LRRC7: variants seen among roughly 807,000 people sequenced by gnomAD.
The protein encoded by LRRC7 is leucine rich repeat containing 7.
In LRRC7, 23 loss-of-function variants were observed where a neutral mutation model predicts 175.7. The ratio of observed to expected loss-of-function variants is 0.13; its 90% CI spans 0.09 to 0.19. The LOEUF (loss-of-function observed/expected upper bound fraction) is 0.19. LRRC7 is among the 10% of genes least tolerant of loss of function. The pLI is 1.00. For synonymous variants in LRRC7, 685 were observed against 680.9 expected (o/e 1.01, Z -0.09); for missense variants, 1,354 against 1,904.7 (o/e 0.71, Z 5.38).
At chr1:69,715,813 ATTAT>A (rs1170251303) in intron 2 of LRRC7, among the ~76,000 whole-genome samples, 1 of 152,038 alleles carries the variant, frequency 6.6e-6, no homozygotes, top group Non-Finnish European at 1.5e-5. Context: ...TTTTACATTT[ATTAT>A]TTAGTTATTA....
At chr1:69,615,057 C>A (rs550864993) in intron 1 of LRRC7, among the ~76,000 whole-genome samples, 1 of 152,080 alleles carries the variant, frequency 6.6e-6, no homozygotes, top group South Asian at 2.1e-4. Context: ...TATAAATATG[C>A]TGAACTAGAA....
chr1:69,604,678 T>G (rs1228320762), intron 1 of LRRC7, among the ~76,000 whole-genome samples: 1 of 151,002 alleles, frequency 6.6e-6, no homozygotes, highest in Non-Finnish European at 1.5e-5. Context: ...TAATTATTTT[T>G]AAGTAGTTCT....
At chr1:69,888,953 A>G (rs1477737680) in intron 7 of LRRC7, among the ~76,000 whole-genome samples, 1 of 152,226 alleles carries the variant, frequency 6.6e-6, no homozygotes, top group Non-Finnish European at 1.5e-5. Flanking sequence ...TCACACCACC[A>G]CAATAAAGCA....
chr1:70,138,586 T>C lies in LRRC7; in HGVS notation c.*16699T>C, dbSNP rs940423260. Reference sequence around the variant, plus strand: ...GCAAATAATCATTTGTACAACCTCATAGAAAGTTGAGAGGATTAATCAAAT... The same window carrying C: ...GCAAATAATCATTTGTACAACCTCACAGAAAGTTGAGAGGATTAATCAAAT... On this transcript the variant is annotated 3_prime_UTR_variant, in exon 27 of 27. Coordinates refer to ENST00000651989, the MANE Select transcript of LRRC7 (RefSeq NM_001370785.2). 3 of 152,216 alleles carry C rather than the reference T, an allele frequency of 2.0e-5. No homozygotes were observed. Among genetic ancestry groups the C allele is most frequent in the African/African-American group, 7.2e-5 (3 of 41,468 alleles). 9.4% of individuals were successfully genotyped at this position (152,216 alleles called of 1,614,324 possible).
At chr1:69,980,599 A>C in intron 9 of LRRC7, 146 bp downstream of exon 9, 2 of 599,734 alleles carry the variant, frequency 3.3e-6, no homozygotes, top group Admixed American at 3.8e-5. Context: ...AAGTGTTTTC[A>C]CCATTTTTTT....
chr1:69,961,448 C>T (rs1212771811), intron 8 of LRRC7, among the ~76,000 whole-genome samples: 4 of 152,150 alleles, frequency 2.6e-5, no homozygotes, highest in South Asian at 2.1e-4. Flanking sequence ...CATTAAACTA[C>T]CATTGACATT....
chr1:69,871,877 A>T (rs915681061), intron 7 of LRRC7, among the ~76,000 whole-genome samples: 2 of 151,996 alleles, frequency 1.3e-5, no homozygotes. Flanking sequence ...TATTATATAC[A>T]TGAAATTGTT....
intron 8 of LRRC7, among the ~76,000 whole-genome samples, chr1:69,945,884 A>G (rs1274856206): frequency 6.6e-6 from 1 of 152,074 alleles, no homozygotes; most frequent in Non-Finnish European, 1.5e-5. Context: ...TTTTAGTGGA[A>G]CCTTTGGGGC....
intron 11 of LRRC7, among the ~76,000 whole-genome samples, chr1:70,000,537 C>A (rs1372789090): frequency 6.6e-6 from 1 of 152,180 alleles, no homozygotes; most frequent in Admixed American, 6.5e-5. Flanking sequence ...ACTGTAATCA[C>A]ATCTGCCATT....
At chr1:69,896,650 ACT>A (rs1645988085) in intron 7 of LRRC7, among the ~76,000 whole-genome samples, 1 of 151,918 alleles carries the variant, frequency 6.6e-6, no homozygotes, top group Non-Finnish European at 1.5e-5. Flanking sequence ...CCACTCATAA[ACT>A]CCCAGTATCC....
At chr1:70,055,429 A>G (rs1661071000) in intron 23 of LRRC7, among the ~76,000 whole-genome samples, 1 of 152,222 alleles carries the variant, frequency 6.6e-6, no homozygotes, top group Non-Finnish European at 1.5e-5. Context: ...ACTAGTTAGG[A>G]AGATTCTATA....
chr1:69,811,320 T>A (rs61784013), intron 4 of LRRC7, among the ~76,000 whole-genome samples: 1 of 152,082 alleles, frequency 6.6e-6, no homozygotes, highest in East Asian at 1.9e-4. Context: ...ACACTGTTGG[T>A]GGGAGTGTAA....
intron 3 of LRRC7, among the ~76,000 whole-genome samples, chr1:69,774,272 C>A (rs1190212458): frequency 6.6e-6 from 1 of 152,140 alleles, no homozygotes; most frequent in African/African-American, 2.4e-5. Flanking sequence ...GTAGACCTAC[C>A]AATTTATCCG....
At position 70,038,788 on chromosome 1, in the gene LRRC7, C is replaced by A; in HGVS notation, c.2964C>A (p.Ile988=). Residue 988 remains isoleucine (I), a synonymous_variant, in exon 21 of 27, where the codon ATC becomes ATA. Coordinates refer to ENST00000651989, the MANE Select transcript of LRRC7 (RefSeq NM_001370785.2). ...KSNKFKKSQS[I]DEIDIGTYKV... ...ATAAATTCAAAAAGTCACAGAGTAT[C>A]GATGAGATTGACATTGGTACATATA... 1 of 1,613,900 alleles carries A rather than the reference C, an allele frequency of 6.2e-7. No individual in the cohort carries two copies. The highest frequency in any genetic ancestry group is 1.3e-5 in the African/African-American group (1 of 74,994).
chr1:69,850,757 G>A (rs533208608), intron 7 of LRRC7, among the ~76,000 whole-genome samples: 2 of 152,210 alleles, frequency 1.3e-5, no homozygotes, highest in South Asian at 4.1e-4. Context: ...AGTAGTAGAT[G>A]AGGGGAATTG....
At chr1:69,998,946 A>T (rs1007306242) in intron 11 of LRRC7, among the ~76,000 whole-genome samples, 1 of 152,278 alleles carries the variant, frequency 6.6e-6, no homozygotes, top group African/African-American at 2.4e-5. Flanking sequence ...TCCCAGAGTG[A>T]GTTCCTGCCT....
At chr1:69,896,111 G>A (rs987119447) in intron 7 of LRRC7, among the ~76,000 whole-genome samples, 1 of 151,968 alleles carries the variant, frequency 6.6e-6, no homozygotes. Flanking sequence ...GTGCCTGAAG[G>A]GGGGCTGCTT....
intron 9 of LRRC7, among the ~76,000 whole-genome samples, chr1:69,980,934 A>G (rs1303578337): frequency 1.3e-5 from 2 of 152,178 alleles, no homozygotes; most frequent in African/African-American, 4.8e-5. Context: ...AATGGCAAGG[A>G]TCATACAGTA....
intron 2 of LRRC7, among the ~76,000 whole-genome samples, chr1:69,705,897 A>G (rs1050542170): frequency 2.0e-5 from 3 of 152,194 alleles, no homozygotes; most frequent in African/African-American, 7.2e-5. Flanking sequence ...TTGATAGTAT[A>G]AAGAAATGCT....
Sources: allele counts gnomAD v4.1 joint callset (sites outside exome capture counted in the v4.1 genomes callset), GRCh38; gene constraint gnomAD v4.1.1; transcripts MANE v1.5; gene names NCBI Gene and HGNC (gene_info 2026-07-23, HGNC 2026-07-21).